The following PARD3B variants were observed in gnomAD, a reference collection of about 807,000 sequenced individuals.
The protein encoded by PARD3B is par-3 family cell polarity regulator beta.
A neutral mutation model predicts 130.2 loss-of-function variants in PARD3B; 103 were observed. The observed-to-expected ratio is 0.79, with a 90% CI of 0.67 to 0.93. PARD3B has a LOEUF of 0.93. Ranked by LOEUF, PARD3B falls within the 40% of genes least tolerant of loss-of-function variation. PARD3B has a pLI of 0.00. For missense variants in PARD3B, 1,609 were observed against 1,499.2 expected, an observed-to-expected ratio of 1.07 and a Z score of -1.21; for synonymous variants, 583 against 553.2, an observed-to-expected ratio of 1.05 and a Z score of -0.76.
chr2:205,260,309 G>A (rs1206644225), intron 16 of PARD3B, among the ~76,000 whole-genome samples: 2 of 152,094 alleles, frequency 1.3e-5, no homozygotes, highest in African/African-American at 4.8e-5. Flanking sequence ...TCCACTTATA[G>A]CATCATGTCA....
At position 205,570,063 on chromosome 2, in the gene PARD3B, T is replaced by A. The variant is rs1175347528; in HGVS notation, c.3260+16660T>A. Among the ~76,000 whole-genome samples the A allele has an allele frequency of 4.6e-5, 7 of 152,300 alleles. No homozygotes were observed. In the East Asian group the frequency reaches 1.4e-3, roughly 29 times the overall value. Reference sequence around the variant, plus strand: ...TTTCTATGATAAAAAGATGCAGTTTTGCTGGAAGGAGACTTGTCCTGAGAT... The same window carrying A: ...TTTCTATGATAAAAAGATGCAGTTTAGCTGGAAGGAGACTTGTCCTGAGAT... On this transcript the variant is annotated intron_variant, in intron 22 of 22. Transcript: ENST00000406610.
At chr2:204,848,623 A>G (rs1575126076) in intron 2 of PARD3B, among the ~76,000 whole-genome samples, 1 of 150,918 alleles carries the variant, frequency 6.6e-6, no homozygotes, top group Non-Finnish European at 1.5e-5. Flanking sequence ...TCCAGCCTGG[A>G]TGATAGAGTG....
At chr2:204,548,078 C>T (rs902533890) in intron 1 of PARD3B, among the ~76,000 whole-genome samples, 2 of 152,032 alleles carry the variant, frequency 1.3e-5, no homozygotes, top group Admixed American at 6.6e-5. Flanking sequence ...TTTTCCCCTC[C>T]CCAAGTATTC....
Position 205,234,299 on chromosome 2 carries a change from G to A in PARD3B, c.2141-11479G>A, listed in dbSNP as rs530766237. Among the ~76,000 whole-genome samples, 12 of 152,166 alleles carry A rather than the reference G, an allele frequency of 7.9e-5. No individual in the cohort carries two copies. The East Asian group carries it at 9.7e-4, about 12-fold the overall frequency. On this transcript the variant is annotated intron_variant, in intron 15 of 22. Coordinates refer to ENST00000406610, the MANE Select transcript of PARD3B (RefSeq NM_001302769.2). The stretch of plus-strand genomic sequence containing the variant: ...CATGGCATTGCTCTCCAATATGGGC[G>A]CCACAGCAAGTCCCACTTTAGAGAC...
At chr2:204,750,456 C>T (rs769229847) in intron 2 of PARD3B, among the ~76,000 whole-genome samples, 1 of 152,130 alleles carries the variant, frequency 6.6e-6, no homozygotes, top group Non-Finnish European at 1.5e-5. Flanking sequence ...TTTGGCAACT[C>T]ATGCCTGTAG....
At chr2:205,335,896 C>T (rs991893323) in intron 18 of PARD3B, among the ~76,000 whole-genome samples, 3 of 152,236 alleles carry the variant, frequency 2.0e-5, no homozygotes, top group East Asian at 3.9e-4. Flanking sequence ...TTCACTATCA[C>T]GAGAACAGCA....
chr2:205,615,416 C>T (rs1417963376), intron 22 of PARD3B, 40 bp from the exon 23 acceptor site: 1 of 1,526,060 alleles, frequency 6.6e-7, no homozygotes, highest in African/African-American at 1.4e-5. Context: ...GGACGGCCAG[C>T]TTAGGAGCTG....
intron 1 of PARD3B, among the ~76,000 whole-genome samples, chr2:204,666,138 C>T (rs1406179505): frequency 1.3e-5 from 2 of 152,126 alleles, no homozygotes; most frequent in African/African-American, 4.8e-5. Context: ...GGGAGTAAAG[C>T]ATTTTAAGTT....
At chr2:205,130,219 T>C (rs1406469026) in intron 10 of PARD3B, among the ~76,000 whole-genome samples, 1 of 152,136 alleles carries the variant, frequency 6.6e-6, no homozygotes, top group Non-Finnish European at 1.5e-5. Context: ...GAAGGTACTT[T>C]GAGATTAGTT....
At chr2:205,053,714 A>G (rs1030064692) in intron 4 of PARD3B, among the ~76,000 whole-genome samples, 1 of 152,072 alleles carries the variant, frequency 6.6e-6, no homozygotes, top group African/African-American at 2.4e-5. Context: ...TTTCTGTAGA[A>G]TCAAATATCT....
intron 1 of PARD3B, among the ~76,000 whole-genome samples, chr2:204,662,478 A>G (rs2035853639): frequency 6.6e-6 from 1 of 152,184 alleles, no homozygotes; most frequent in Non-Finnish European, 1.5e-5. Flanking sequence ...TCATTCAAAT[A>G]AAAAAATGGT....
At chr2:204,572,876 C>A (rs2032073993) in intron 1 of PARD3B, among the ~76,000 whole-genome samples, 1 of 152,202 alleles carries the variant, frequency 6.6e-6, no homozygotes, top group Admixed American at 6.5e-5. Flanking sequence ...TCTGATGGTG[C>A]ACATCACTTA....
In PARD3B at chr2:205,171,248, G is replaced by A. The variant is rs192379069; in HGVS notation, c.1621-963G>A. On this transcript the variant is annotated intron_variant, in intron 11 of 22. Coordinates refer to ENST00000406610, the MANE Select transcript of PARD3B (RefSeq NM_001302769.2). ...GCACTTTCTACCTGAGTGTAGAATA[G>A]GTAGAGAGCATATCCCCTGAGTCTG... Among the ~76,000 whole-genome samples, 84 of 152,170 alleles carry A rather than the reference G, an allele frequency of 5.5e-4. No individual in the cohort carries two copies. The Middle Eastern group carries it at 0.014, about 25-fold the overall frequency.
intron 3 of PARD3B, among the ~76,000 whole-genome samples, chr2:204,975,798 A>G (rs996131059): frequency 1.3e-5 from 2 of 152,198 alleles, no homozygotes; most frequent in Non-Finnish European, 2.9e-5. Context: ...TAATTGCCCT[A>G]TATGTAAACT....
intron 2 of PARD3B, among the ~76,000 whole-genome samples, chr2:204,720,625 GA>G (rs1260480014): frequency 1.3e-5 from 2 of 152,096 alleles, no homozygotes; most frequent in African/African-American, 4.8e-5. Context: ...AAGCAAAAGG[GA>G]AAAGTTAAAC....
Position 205,164,505 on chromosome 2 carries a change from G to GT in PARD3B, c.1620+5604dup, listed in dbSNP as rs202192696. Among the ~76,000 whole-genome samples the GT allele has an allele frequency of 8.4e-3, 1,283 of 151,878 alleles. 15 individuals carry two copies. Among genetic ancestry groups the GT allele is most frequent in the African/African-American group, 0.029 (1,212 of 41,420 alleles). ...TCCCATAATTCCAGCATCTATCATTGTTTTTTCTTGCTGATCTTTATCACT... is the reference window on the plus strand; with the variant it reads ...TCCCATAATTCCAGCATCTATCATTGTTTTTTTCTTGCTGATCTTTATCACT... On this transcript the variant is annotated intron_variant, in intron 11 of 22. Coordinates refer to ENST00000406610, the MANE Select transcript of PARD3B (RefSeq NM_001302769.2).
At chr2:205,221,288 C>G (rs2038225022) in intron 15 of PARD3B, among the ~76,000 whole-genome samples, 1 of 152,180 alleles carries the variant, frequency 6.6e-6, no homozygotes, top group Non-Finnish European at 1.5e-5. Flanking sequence ...CTACCTTGCT[C>G]CTTTTACAAC....
intron 2 of PARD3B, among the ~76,000 whole-genome samples, chr2:204,789,931 C>T (rs1021140286): frequency 4.7e-5 from 7 of 150,278 alleles, no homozygotes; most frequent in Non-Finnish European, 1.0e-4. Context: ...AGTGCAGTGG[C>T]GCGATCTCGG....
In PARD3B at chr2:204,997,332, G is replaced by A. The variant is rs1188590446; in HGVS notation, c.394+32009G>A. On this transcript the variant is annotated intron_variant, in intron 3 of 22. Coordinates refer to ENST00000406610, the MANE Select transcript of PARD3B (RefSeq NM_001302769.2). ...TGAATTGAATTTGTAGATTAGTTTG[G>A]AGAGAATTGGCATTCTTACAATACT... 2.0e-5 allele frequency among the ~76,000 whole-genome samples: 3 copies of A among 152,254 alleles called. No homozygotes were observed. In the East Asian group the frequency reaches 5.8e-4, roughly 29 times the overall value.
Sources: allele counts gnomAD v4.1 joint callset (sites outside exome capture counted in the v4.1 genomes callset), GRCh38; gene constraint gnomAD v4.1.1; transcripts MANE v1.5; gene names NCBI Gene and HGNC (gene_info 2026-07-23, HGNC 2026-07-21).